Variants in PCSK6 observed in about 807,000 individuals in gnomAD.
The protein encoded by PCSK6 is paired basic amino acid cleaving enzyme 4.
A neutral mutation model predicts 123.3 loss-of-function variants in PCSK6; 85 were observed. The ratio of observed to expected loss-of-function variants is 0.69; its 90% CI spans 0.58 to 0.83. The LOEUF is 0.83. Ranked by LOEUF, PCSK6 falls within the 40% of genes least tolerant of loss-of-function variation. The pLI is 0.00. For synonymous variants in PCSK6, 508 were observed against 516.0 expected (o/e 0.98, Z 0.21); for missense variants, 1,191 against 1,282.3 (o/e 0.93, Z 1.09).
chr15:101,438,894 G>A (rs1444448758), intron 2 of PCSK6, among the ~76,000 whole-genome samples: 1 of 152,252 alleles, frequency 6.6e-6, no homozygotes, highest in Non-Finnish European at 1.5e-5. Flanking sequence ...AGAGGGGAAG[G>A]TGGGGAAGAG....
chr15:101,474,234 G>A (rs1035913264), intron 1 of PCSK6, among the ~76,000 whole-genome samples: 6 of 152,130 alleles, frequency 3.9e-5, no homozygotes, highest in Non-Finnish European at 7.3e-5. Flanking sequence ...ATTCAATGGC[G>A]GCCAAAAATG....
intron 6 of PCSK6, among the ~76,000 whole-genome samples, chr15:101,406,571 A>G (rs778514782): frequency 2.5e-4 from 38 of 152,268 alleles, no homozygotes; most frequent in Non-Finnish European, 3.7e-4. Flanking sequence ...GGGCCAAGTA[A>G]GGTTTCAACA....
At position 101,347,878 on chromosome 15, in the gene PCSK6, G is replaced by A. The variant is rs529177596; in HGVS notation, c.1859-15847C>T. 4.0e-4 allele frequency: 336 copies of A among 837,868 alleles called. No individual in the cohort carries two copies. In the East Asian group the frequency reaches 7.1e-3, roughly 18 times the overall value. 51.9% of individuals were successfully genotyped at this position (837,868 alleles called of 1,614,324 possible). A position where few individuals can be genotyped will look rare whatever the true frequency, so the allele number is the denominator to read the frequency against. ...TGGAGGGCAGCAGGAGGAAGCGCCC[G>A]GGGTTGACAAATGGAAGGAGCTGTG... is the stretch of plus-strand genomic sequence containing the variant. On this transcript the variant is annotated intron_variant, in intron 13 of 21. Transcript: ENST00000611716.
At chr15:101,406,861 G>C (rs926214015) in intron 6 of PCSK6, among the ~76,000 whole-genome samples, 17 of 152,164 alleles carry the variant, frequency 1.1e-4, no homozygotes, top group African/African-American at 4.1e-4. Context: ...TCCTTCTACA[G>C]TGGAAACACA....
At chr15:101,346,784 GA>G (rs1422940018) in intron 13 of PCSK6, 1 of 1,230,492 alleles carries the variant, frequency 8.1e-7, no homozygotes, top group Non-Finnish European at 1.0e-6. Flanking sequence ...TATGAGGTGA[GA>G]CAAAGGTCAT....
intron 13 of PCSK6, among the ~76,000 whole-genome samples, chr15:101,354,394 G>C (rs1205490396): frequency 6.6e-6 from 1 of 152,190 alleles, no homozygotes; most frequent in African/African-American, 2.4e-5. Context: ...CACACGTCCA[G>C]TAACTGTCTA....
chr15:101,319,403 GA>G (rs989469324), intron 18 of PCSK6, among the ~76,000 whole-genome samples: 12 of 145,956 alleles, frequency 8.2e-5, no homozygotes, highest in Non-Finnish European at 1.4e-4. Context: ...AAGAGAAAAA[GA>G]AAAAAAAAAG....
Position 101,352,064 on chromosome 15 carries a change from G to T in PCSK6, c.1858+14132C>A, listed in dbSNP as rs573042242. On this transcript the variant is annotated intron_variant, in intron 13 of 21. Transcript: ENST00000611716. ...TACAGAAAAAGTTTTCCAACCCATG[G>T]GCTAGACAGAAGTGAAAAGGCCATC... Among the ~76,000 whole-genome samples, 10 of 151,776 alleles carry T rather than the reference G, an allele frequency of 6.6e-5. No homozygotes were observed. In the South Asian group the frequency reaches 2.1e-3, roughly 32 times the overall value.
At chr15:101,479,529 C>T (rs2057817585) in intron 1 of PCSK6, among the ~76,000 whole-genome samples, 1 of 152,122 alleles carries the variant, frequency 6.6e-6, no homozygotes, top group Non-Finnish European at 1.5e-5. Flanking sequence ...TGGCCATGGG[C>T]TGGGTGGCAG....
intron 13 of PCSK6, among the ~76,000 whole-genome samples, chr15:101,362,598 G>A (rs887524189): frequency 6.6e-6 from 1 of 152,158 alleles, no homozygotes; most frequent in African/African-American, 2.4e-5. Flanking sequence ...AGCTGTGCAA[G>A]AGGGCACTTC....
intron 15 of PCSK6, among the ~76,000 whole-genome samples, chr15:101,331,350 G>A (rs1163304676): frequency 1.3e-5 from 2 of 152,220 alleles, no homozygotes; most frequent in Admixed American, 1.3e-4. Flanking sequence ...TTAACCCTAG[G>A]CCTCCAGGCT....
At chr15:101,434,655 T>G (rs955182762) in intron 2 of PCSK6, among the ~76,000 whole-genome samples, 1 of 152,172 alleles carries the variant, frequency 6.6e-6, no homozygotes, top group Non-Finnish European at 1.5e-5. Context: ...CTAACACACC[T>G]GCTCATTGTA....
At chr15:101,471,670 A>T (rs866215927) in intron 1 of PCSK6, among the ~76,000 whole-genome samples, 1 of 152,256 alleles carries the variant, frequency 6.6e-6, no homozygotes, top group African/African-American at 2.4e-5. Context: ...TGAAACAAGC[A>T]AAAGTAAATT....
At chr15:101,419,157 A>T (rs964418964) in intron 6 of PCSK6, among the ~76,000 whole-genome samples, 1 of 152,150 alleles carries the variant, frequency 6.6e-6, no homozygotes, top group Admixed American at 6.5e-5. Flanking sequence ...AACCACCATT[A>T]TATTTACAGA....
Position 101,391,413 on chromosome 15 carries a change from G to A in PCSK6, c.1209+1799C>T, listed in dbSNP as rs529893926. Among the ~76,000 whole-genome samples the A allele has an allele frequency of 9.2e-5, 14 of 152,332 alleles. No individual in the cohort carries two copies. In the South Asian group the frequency reaches 1.0e-3, roughly 11 times the overall value. On this transcript the variant is annotated intron_variant, in intron 8 of 21. Transcript: ENST00000611716. ...TTCAGAGAAGGGGGTCCTGGGGAGC[G>A]AGCAGAGGGGCCTACCCTGGGAGGG...
Position 101,305,288 on chromosome 15 carries a change from G to C in PCSK6, c.2880C>G (p.Phe960Leu), listed in dbSNP as rs1263217287. 1.2e-6 allele frequency: 2 copies of C among 1,612,358 alleles called. No individual in the cohort carries two copies. The highest frequency in any genetic ancestry group is 2.7e-5 in the African/African-American group (2 of 74,934). Residue 960 changes from phenylalanine (F) to leucine (L), a missense_variant, in exon 22 of 22, where the codon TTC (phenylalanine) becomes TTG (leucine). This residue lies in a region of PCSK6 where 630 missense variants were observed against 631.4 expected (regional missense o/e 1.00). Coordinates refer to ENST00000611716, the MANE Select transcript of PCSK6 (RefSeq NM_002570.5). This position sits in a 1 kb window ranked among gnomAD's most constrained non-coding sequence, Gnocchi z 4.8. ...CGGCCAGGAGGCACGTGCGGCAGCA[G>C]AACTGAATGAAGAGCTTCCGTTCGC... Reference protein sequence around the residue: ...RLCERKLFIQFCCRTCLLAG With the variant: ...RLCERKLFIQLCCRTCLLAG
chr15:101,358,028 G>A (rs1378048204), intron 13 of PCSK6, among the ~76,000 whole-genome samples: 1 of 152,178 alleles, frequency 6.6e-6, no homozygotes, highest in Non-Finnish European at 1.5e-5. Flanking sequence ...GGGGAGTTAG[G>A]GCAGGTCATC....
At chr15:101,318,268 G>T (rs2040037374) in intron 19 of PCSK6, 51 bp downstream of exon 19, 2 of 1,334,676 alleles carry the variant, frequency 1.5e-6, no homozygotes, top group East Asian at 2.5e-5. Context: ...AAGGCAGCTA[G>T]CCTACGCTTG....
At chr15:101,346,699 G>T (rs917177219) in intron 13 of PCSK6, 1 of 1,168,776 alleles carries the variant, frequency 8.6e-7, no homozygotes, top group Non-Finnish European at 1.1e-6. Flanking sequence ...GGGGTTTCAA[G>T]AGAGCTCTCC....
Sources: gnomAD v4.1 joint callset for allele counts (sites outside exome capture counted in the v4.1 genomes callset) on GRCh38, gnomAD v4.1.1 for gene constraint, gnomAD v4.1.1 regional missense constraint, Gnocchi (gnomAD v3.1) non-coding constraint, MANE v1.5 for transcripts, NCBI Gene and HGNC (gene_info 2026-07-23, HGNC 2026-07-21) for gene names.